ROS1: variants seen among roughly 807,000 people sequenced by gnomAD.
The protein encoded by ROS1 is proto-oncogene tyrosine-protein kinase ROS.
In ROS1, 263 loss-of-function variants were observed where a neutral mutation model predicts 273.5. That is an observed-to-expected ratio of 0.96 (90% CI 0.87 to 1.06). ROS1 has a LOEUF of 1.06. Among genes scored for constraint, ROS1 ranks in the 50% least tolerant of loss-of-function variants. The pLI, the probability that ROS1 is intolerant of heterozygous loss-of-function variation, is 0.00. For synonymous variants in ROS1, 1,008 were observed against 954.1 expected (o/e 1.06, Z -1.04); for missense variants, 2,833 against 2,751.1 (o/e 1.03, Z -0.67).
intron 31 of ROS1, among the ~76,000 whole-genome samples, chr6:117,339,934 T>C (rs1399985708): frequency 2.6e-5 from 4 of 152,130 alleles, no homozygotes; most frequent in African/African-American, 9.7e-5. Flanking sequence ...TGGTGACATC[T>C]GGCATCTGTC....
At chr6:117,309,585 A>G (rs1446208042) in intron 41 of ROS1, among the ~76,000 whole-genome samples, 1 of 152,168 alleles carries the variant, frequency 6.6e-6, no homozygotes, top group African/African-American at 2.4e-5. Context: ...AAACTTTTAC[A>G]TTTTGAGCTG....
At chr6:117,373,210 G>A (rs1244877427) in intron 18 of ROS1, among the ~76,000 whole-genome samples, 2 of 152,230 alleles carry the variant, frequency 1.3e-5, no homozygotes, top group Non-Finnish European at 2.9e-5. Flanking sequence ...CCTGACTCAG[G>A]AGCCCATCTG....
chr6:117,382,625 A>C (rs1224915436), intron 17 of ROS1, among the ~76,000 whole-genome samples: 1 of 152,168 alleles, frequency 6.6e-6, no homozygotes, highest in Non-Finnish European at 1.5e-5. Flanking sequence ...GGGTAGCTAA[A>C]CAGAATCAAC....
At chr6:117,339,865 G>A (rs1452319160) in intron 31 of ROS1, among the ~76,000 whole-genome samples, 1 of 152,044 alleles carries the variant, frequency 6.6e-6, no homozygotes, top group Non-Finnish European at 1.5e-5. Context: ...TTCCTTCCAC[G>A]GACAGCACCC....
At chr6:117,356,362 T>C (rs1205906708) in intron 26 of ROS1, among the ~76,000 whole-genome samples, 1 of 152,198 alleles carries the variant, frequency 6.6e-6, no homozygotes. Context: ...ATTTAGTACA[T>C]GCTAAGAATA....
intron 11 of ROS1, among the ~76,000 whole-genome samples, chr6:117,393,553 T>C (rs1773242560): frequency 1.3e-5 from 2 of 152,202 alleles, no homozygotes; most frequent in South Asian, 4.1e-4. Flanking sequence ...TCCTGGCTTG[T>C]AGAGGCATTC....
At position 117,394,201 on chromosome 6, in the gene ROS1, A is replaced by G. The variant is rs746135095; in HGVS notation, c.1152T>C (p.Asp384=). ...TGAAATACATTCTTTGATAAAGCCAATCTATGGAGATAGAAGAAATTAATC... is the reference window on the plus strand; with the variant it reads ...TGAAATACATTCTTTGATAAAGCCAGTCTATGGAGATAGAAGAAATTAATC... ...GSGLISSISI[D]WLYQRMYFIM... The change falls in exon 11 of 44, where the codon GAT becomes GAC. Residue 384 remains aspartate (D), a synonymous_variant. Coordinates refer to ENST00000368507, the MANE Select transcript of ROS1 (RefSeq NM_001378902.1). The G allele has an allele frequency of 1.3e-5, 21 of 1,599,350 alleles. No individual in the cohort carries two copies. Among genetic ancestry groups the G allele is most frequent in the East Asian group, 1.1e-4 (5 of 44,022 alleles).
Position 117,378,656 on chromosome 6 carries a change from CA to C in ROS1, c.2582+402del, listed in dbSNP as rs1355652127. On this transcript the variant is annotated intron_variant, in intron 18 of 43. Transcript: ENST00000368507. ...TGTAGAGATACCGACAAGATCAGGA[CA>C]GGGGGATAAGCTTGAGGACACAGAT... Among the ~76,000 whole-genome samples the C allele has an allele frequency of 4.6e-5, 7 of 152,256 alleles. No homozygotes were observed. In the East Asian group the frequency reaches 7.7e-4, roughly 17 times the overall value.
chr6:117,316,020 G>C (rs1487579398), intron 39 of ROS1, among the ~76,000 whole-genome samples: 1 of 152,102 alleles, frequency 6.6e-6, no homozygotes, highest in Non-Finnish European at 1.5e-5. Flanking sequence ...GGATAATTCA[G>C]CTCTAAAAAT....
Position 117,367,164 on chromosome 6 carries a change from G to A in ROS1, c.2583-874C>T, listed in dbSNP as rs1454935322. On this transcript the variant is annotated intron_variant, in intron 18 of 43. Transcript: ENST00000368507. ...ATGCAATAAATTAGCCTATAGATGT[G>A]AAGTTAGCCTACGGATGTGAAGCAG... 2.0e-5 allele frequency among the ~76,000 whole-genome samples: 3 copies of A among 152,126 alleles called. No individual in the cohort carries two copies. The East Asian group carries it at 5.8e-4, about 29-fold the overall frequency.
chr6:117,333,806 A>T, intron 32 of ROS1, among the ~76,000 whole-genome samples: 1 of 152,204 alleles, frequency 6.6e-6, no homozygotes, highest in Non-Finnish European at 1.5e-5. Flanking sequence ...CCTTTATGTT[A>T]AAAACTCTCA....
At chr6:117,377,634 A>T (rs1314065818) in intron 18 of ROS1, among the ~76,000 whole-genome samples, 2 of 152,234 alleles carry the variant, frequency 1.3e-5, no homozygotes. Context: ...TAAAATCTTC[A>T]CAACTTTGGG....
intron 32 of ROS1, among the ~76,000 whole-genome samples, chr6:117,332,141 G>A (rs1777121951): frequency 7.0e-6 from 1 of 141,870 alleles, no homozygotes; most frequent in Non-Finnish European, 1.5e-5. Flanking sequence ...AGGGATTGAG[G>A]AAAATTTACC....
chr6:117,315,793 C>T (rs1049266505), intron 39 of ROS1, among the ~76,000 whole-genome samples: 5 of 152,106 alleles, frequency 3.3e-5, no homozygotes, highest in African/African-American at 1.2e-4. Context: ...AACCCTAGAA[C>T]AGCAGCTGTG....
intron 38 of ROS1, 76 bp downstream of exon 38, chr6:117,318,112 A>T (rs1776044761): frequency 9.8e-7 from 1 of 1,016,942 alleles, no homozygotes; most frequent in African/African-American, 1.6e-5. Context: ...AAGTCATGTC[A>T]TTTTGGGTGT....
rs772747487 is a variant in ROS1 at position 117,396,932 on chromosome 6, T to A, written c.789A>T (p.Leu263Phe). The A allele has an allele frequency of 6.2e-7, 1 of 1,613,062 alleles. No homozygotes were observed. The highest frequency in any genetic ancestry group is 1.1e-5 in the South Asian group (1 of 91,060). ...ATTCTTACCTGTAGATAGTATTTGGTAAAGTGGAGTAAAACTGGAAACTGG... is the reference window on the plus strand; with the variant it reads ...ATTCTTACCTGTAGATAGTATTTGGAAAAGTGGAGTAAAACTGGAAACTGG... The part of the protein sequence containing the change: ...QRTSFQFYST[L>F]PNTIYRFSIA... Residue 263 changes from leucine (L) to phenylalanine (F), a missense_variant, in exon 8 of 44, where the codon TTA becomes TTT. Transcript: ENST00000368507.
intron 18 of ROS1, among the ~76,000 whole-genome samples, chr6:117,377,045 G>A (rs1028084692): frequency 6.6e-6 from 1 of 152,184 alleles, no homozygotes; most frequent in African/African-American, 2.4e-5. Context: ...GGCAAAAAGA[G>A]TAGACAAATA....
At position 117,385,877 on chromosome 6, in the gene ROS1, A is replaced by G; in HGVS notation, c.2111-16T>C. ...CAATCCATGTCTCAAAATAAAGTGAATGATTAGCAGTTATTTTTCATACAT... is the reference window on the plus strand; with the variant it reads ...CAATCCATGTCTCAAAATAAAGTGAGTGATTAGCAGTTATTTTTCATACAT... On this transcript the variant is annotated splice_polypyrimidine_tract_variant and intron_variant, in intron 15 of 43. Coordinates refer to ENST00000368507, the MANE Select transcript of ROS1 (RefSeq NM_001378902.1). 1.2e-6 allele frequency: 2 copies of G among 1,610,536 alleles called. No homozygotes were observed. The highest frequency in any genetic ancestry group is 4.5e-5 in the East Asian group (2 of 44,840).
intron 32 of ROS1, among the ~76,000 whole-genome samples, chr6:117,334,401 A>C (rs1777314663): frequency 6.6e-6 from 1 of 152,190 alleles, no homozygotes; most frequent in Non-Finnish European, 1.5e-5. Flanking sequence ...AATGAGTATC[A>C]TGAAAATGGC....
Sources: allele counts gnomAD v4.1 joint callset (sites outside exome capture counted in the v4.1 genomes callset), GRCh38; gene constraint gnomAD v4.1.1; transcripts MANE v1.5; gene names NCBI Gene and HGNC (gene_info 2026-07-23, HGNC 2026-07-21).